Variants in GALNT11 observed in about 807,000 individuals in gnomAD.
The protein encoded by GALNT11 is polypeptide N-acetylgalactosaminyltransferase 11, also known as UDP-GalNAc:polypeptide N-acetylgalactosaminyltransferase 11.
Under a neutral mutation model 72.7 loss-of-function variants are expected in GALNT11, and 47 were observed. The observed-to-expected ratio is 0.65, with a 90% CI of 0.51 to 0.82. The LOEUF is 0.82. Among genes scored for constraint, GALNT11 ranks in the 40% least tolerant of loss-of-function variants. The probability of loss-of-function intolerance (pLI) is 0.00; values close to 1 mark genes in which losing one functional copy is unlikely to be tolerated. For missense variants in GALNT11, 677 were observed against 778.4 expected (o/e 0.87, Z 1.55); for synonymous variants, 270 against 286.6 (o/e 0.94, Z 0.58).
At chr7:152,064,572 G>C (rs181841092) in intron 1 of GALNT11, among the ~76,000 whole-genome samples, 25 of 152,290 alleles carry the variant, frequency 1.6e-4, no homozygotes, top group African/African-American at 5.8e-4. Context: ...AATTTGGCAT[G>C]TTTTTGCAGT....
intron 1 of GALNT11, among the ~76,000 whole-genome samples, chr7:152,066,781 T>G (rs1322921982): frequency 6.6e-6 from 1 of 152,208 alleles, no homozygotes; most frequent in African/African-American, 2.4e-5. Context: ...CACACACATT[T>G]ATTGAGTAAG....
chr7:152,106,762 C>T (rs6464205), intron 5 of GALNT11, among the ~76,000 whole-genome samples: 5 of 151,940 alleles, frequency 3.3e-5, no homozygotes, highest in African/African-American at 4.8e-5. Context: ...AGGATCTGTC[C>T]GAAGCAAGCC....
At chr7:152,108,389 TGTTAGACTTAATTTGTAC>T in intron 6 of GALNT11, 102 bp downstream of exon 6, 1 of 1,486,844 alleles carries the variant, frequency 6.7e-7, no homozygotes, top group Admixed American at 2.2e-5. Context: ...GGAGCAAAAG[TGTTAGACTTAATTTGTAC>T]GTTAAAAATT....
In GALNT11 at chr7:152,025,714, C is replaced by T. The variant is rs903619521; in HGVS notation, c.-209C>T. On this transcript the variant is annotated 5_prime_UTR_variant, in exon 1 of 12. Coordinates refer to ENST00000430044, the MANE Select transcript of GALNT11 (RefSeq NM_022087.4). ...CGGGGACTGGGCGAGGGCCCTGGGC[C>T]TGAGGAGGCGCGGCCGCCACTGCGC... is the stretch of plus-strand genomic sequence containing the variant. The T allele has an allele frequency of 6.6e-6, 1 of 151,598 alleles. No homozygotes were observed. The highest frequency in any genetic ancestry group is 1.5e-5 in the Non-Finnish European group (1 of 67,970). The allele number at this position is 151,598 out of a possible 1,614,324, so 9.4% of individuals were successfully genotyped here. A position where few individuals can be genotyped will look rare whatever the true frequency, so the allele number is the denominator to read the frequency against.
At chr7:152,028,363 G>A (rs34747265) in intron 1 of GALNT11, among the ~76,000 whole-genome samples, 7,223 of 152,184 alleles carry the variant, frequency 0.047, 318 homozygotes, top group East Asian at 0.2. Flanking sequence ...TGATTGGTGC[G>A]TTTACAAACC....
At position 152,110,639 on chromosome 7, in the gene GALNT11, A is replaced by C; in HGVS notation, c.1074A>C (p.Ser358=). The part of the protein sequence containing the change: ...DIWGGENLEI[S]FRIWMCGGKL... ...GGGGAGGAGAAAATTTGGAAATATC[A>C]TTTCGGGTAATTTAATTTTTGCATG... Residue 358 remains serine, a synonymous_variant, in exon 7 of 12, where the codon TCA becomes TCC. Coordinates refer to ENST00000430044, the MANE Select transcript of GALNT11 (RefSeq NM_022087.4). 1 of 1,589,142 alleles carries C rather than the reference A, an allele frequency of 6.3e-7. No homozygotes were observed. The highest frequency in any genetic ancestry group is 8.6e-7 in the Non-Finnish European group (1 of 1,160,334).
At chr7:152,090,498 G>C (rs2085941334) in intron 1 of GALNT11, among the ~76,000 whole-genome samples, 1 of 152,184 alleles carries the variant, frequency 6.6e-6, no homozygotes, top group African/African-American at 2.4e-5. Context: ...AGGTTCTGTA[G>C]AAATCTCTGT....
chr7:152,095,271 A>G (rs930439531), intron 2 of GALNT11, among the ~76,000 whole-genome samples: 1 of 151,654 alleles, frequency 6.6e-6, no homozygotes, highest in Non-Finnish European at 1.5e-5. Flanking sequence ...GCAATTTTAG[A>G]GTGTTGATTT....
chr7:152,036,216 T>C (rs1278354729), intron 1 of GALNT11, among the ~76,000 whole-genome samples: 1 of 152,244 alleles, frequency 6.6e-6, no homozygotes, highest in Non-Finnish European at 1.5e-5. Context: ...TATATTTTTG[T>C]ATACATTAAC....
intron 3 of GALNT11, 45 bp downstream of exon 3, chr7:152,100,966 G>T (rs376988569): frequency 4.5e-5 from 72 of 1,605,108 alleles, no homozygotes; most frequent in Non-Finnish European, 5.6e-5. Flanking sequence ...ACAACACGAT[G>T]CTTTTAGTGT....
intron 1 of GALNT11, among the ~76,000 whole-genome samples, chr7:152,076,308 CTGAATTGATTGGTTTTGGTT>C: frequency 1.3e-5 from 2 of 151,982 alleles, no homozygotes; most frequent in African/African-American, 4.8e-5. Context: ...CTGTTGAAAC[CTGAATTGATTGGTTTTGGTT>C]CTTCTGGAAG....
chr7:152,025,911 C>A, intron 1 of GALNT11, 27 bp downstream of exon 1: 1 of 215,420 alleles, frequency 4.6e-6, no homozygotes, highest in South Asian at 4.2e-5. Flanking sequence ...CGGCGGCCTC[C>A]CGGCGTCCCT....
intron 1 of GALNT11, among the ~76,000 whole-genome samples, chr7:152,077,131 G>A (rs900900859): frequency 1.3e-5 from 2 of 152,154 alleles, no homozygotes; most frequent in Admixed American, 1.3e-4. Context: ...ATTTGCTGAT[G>A]TTCTTTTTGG....
intron 1 of GALNT11, among the ~76,000 whole-genome samples, chr7:152,081,730 TAAAA>T (rs1563061126): frequency 6.6e-6 from 1 of 152,212 alleles, no homozygotes; most frequent in Non-Finnish European, 1.5e-5. Flanking sequence ...TCAGCTTTTT[TAAAA>T]TGGTTTATGG....
intron 1 of GALNT11, among the ~76,000 whole-genome samples, chr7:152,089,689 G>C (rs1202945218): frequency 2.6e-5 from 4 of 152,194 alleles, no homozygotes; most frequent in Non-Finnish European, 5.9e-5. Context: ...CAAATATTTT[G>C]GTTAAGGTAC....
intron 1 of GALNT11, among the ~76,000 whole-genome samples, chr7:152,034,499 G>A (rs1343950898): frequency 1.3e-5 from 2 of 152,086 alleles, no homozygotes; most frequent in African/African-American, 2.4e-5. Context: ...CAGGGTTTGC[G>A]GGTCAAATTG....
At chr7:152,055,520 CGTGTGTGTGTGTGTGTGTGTGT>C (rs3031460) in intron 1 of GALNT11, among the ~76,000 whole-genome samples, 14 of 136,512 alleles carry the variant, frequency 1.0e-4, no homozygotes, top group South Asian at 2.5e-4. Context: ...ATATATAAAG[CGTGTGTGTGTGTGTGTGTGTGT>C]GTGTGTGTGT....
chr7:152,040,630 A>G (rs936457434), intron 1 of GALNT11, among the ~76,000 whole-genome samples: 2 of 151,160 alleles, frequency 1.3e-5, no homozygotes, highest in Non-Finnish European at 2.9e-5. Context: ...GCTGCTTGCA[A>G]TTGGGTAAAT....
chr7:152,055,520 C>CGTGTGTGT (rs3031460), intron 1 of GALNT11, among the ~76,000 whole-genome samples: 67 of 136,510 alleles, frequency 4.9e-4, no homozygotes, highest in Middle Eastern at 3.8e-3. Context: ...ATATATAAAG[C>CGTGTGTGT]GTGTGTGTGT....
Sources: gnomAD v4.1 joint callset for allele counts (sites outside exome capture counted in the v4.1 genomes callset) on GRCh38, gnomAD v4.1.1 for gene constraint, MANE v1.5 for transcripts, NCBI Gene and HGNC (gene_info 2026-07-23, HGNC 2026-07-21) for gene names.